Variants in XIRP2 observed in about 807,000 individuals in gnomAD.
The protein encoded by XIRP2 is xin actin-binding repeat-containing protein 2.
Under a neutral mutation model 277.0 loss-of-function variants are expected in XIRP2, and 236 were observed. The observed-to-expected ratio is 0.85, with a 90% CI of 0.77 to 0.95. The LOEUF is 0.95. Among genes scored for constraint, XIRP2 ranks in the 40% least tolerant of loss-of-function variants. The probability of loss-of-function intolerance (pLI) is 0.00; values close to 1 mark genes in which losing one functional copy is unlikely to be tolerated. For missense variants in XIRP2, 4,640 were observed against 4,157.5 expected (o/e 1.12, Z -3.19); for synonymous variants, 1,490 against 1,416.5 (o/e 1.05, Z -1.17).
At chr2:167,253,793 A>T (rs1194805171) in intron 9 of XIRP2, among the ~76,000 whole-genome samples, 1 of 151,734 alleles carries the variant, frequency 6.6e-6, no homozygotes, top group Non-Finnish European at 1.5e-5. Context: ...TTAAATCATA[A>T]ATGTCTACTC....
chr2:167,063,957 T>A (rs1002595278), intron 2 of XIRP2, among the ~76,000 whole-genome samples: 1 of 151,616 alleles, frequency 6.6e-6, no homozygotes. Context: ...CTACATTTAG[T>A]GTACTATCAA....
In XIRP2 at chr2:167,247,580, G is replaced by A; in HGVS notation, c.6188G>A (p.Gly2063Asp). Residue 2063 changes from glycine (G) to aspartate (D), a missense_variant, in exon 9 of 11, where the codon GGT becomes GAT. Physicochemically the swap from Gly to Asp is moderately conservative, Grantham distance 94. Coordinates refer to ENST00000409195, the MANE Select transcript of XIRP2 (RefSeq NM_152381.6). ...GTTTTGGAATCAGGAGACAAAACGG[G>A]TGTCTGGACTGATACTACAGGAGAA... ...SNVLESGDKT[G>D]VWTDTTGEQH... The A allele has an allele frequency of 1.2e-6, 2 of 1,613,716 alleles. No individual in the cohort carries two copies. The highest frequency in any genetic ancestry group is 1.3e-5 in the African/African-American group (1 of 75,004).
At position 166,933,356 on chromosome 2, in the gene XIRP2, G is replaced by A. The variant is rs532996505; in HGVS notation, c.408+29466G>A. Among the ~76,000 whole-genome samples the A allele has an allele frequency of 2.0e-5, 3 of 151,956 alleles. No individual in the cohort carries two copies. The East Asian group carries it at 5.8e-4, about 30-fold the overall frequency. On this transcript the variant is annotated intron_variant, in intron 2 of 10. Coordinates refer to ENST00000409195, the MANE Select transcript of XIRP2 (RefSeq NM_152381.6). ...GTAGAGATGGGGTTTTGCCGTGTTA[G>A]CCAGGATGATCTCGATCTCCTGACC...
chr2:167,189,268 TCA>T (rs1164456253), intron 3 of XIRP2, among the ~76,000 whole-genome samples: 1 of 151,950 alleles, frequency 6.6e-6, no homozygotes, highest in Non-Finnish European at 1.5e-5. Flanking sequence ...GCTCTCTCTC[TCA>T]CACACACACA....
In XIRP2 at chr2:167,204,567, A is replaced by G. The variant is rs114175890; in HGVS notation, c.563-6168A>G. Among the ~76,000 whole-genome samples the G allele has an allele frequency of 8.1e-3, 1,240 of 152,318 alleles. 20 individuals are homozygous for G. The highest frequency in any genetic ancestry group is 0.028 in the African/African-American group (1,167 of 41,560). Reference sequence around the variant, plus strand: ...GTTTCCTTATCTGTAAAATAGAGATAAAAAATAAAATAGCCTCTATCTCCT... The same window carrying G: ...GTTTCCTTATCTGTAAAATAGAGATGAAAAATAAAATAGCCTCTATCTCCT... On this transcript the variant is annotated intron_variant, in intron 3 of 10. Transcript: ENST00000409195.
rs775937806 is a variant in XIRP2 at position 167,247,276 on chromosome 2, A to G, written c.5884A>G (p.Thr1962Ala). Residue 1962 changes from threonine to alanine, a missense_variant, in exon 9 of 11, where the codon ACA becomes GCA. By Grantham distance (58) the Thr-to-Ala change is moderately conservative. Transcript: ENST00000409195. The part of the protein sequence containing the change: ...VMAGSSGEQK[T>A]DIHQVAVQRN... ...GGCAGGATCCTCGGGAGAGCAGAAA[A>G]CAGATATTCATCAGGTTGCTGTCCA... The G allele has an allele frequency of 1.9e-5, 30 of 1,613,594 alleles. No individual in the cohort carries two copies. The highest frequency in any genetic ancestry group is 2.3e-5 in the Non-Finnish European group (27 of 1,179,842).
intron 2 of XIRP2, among the ~76,000 whole-genome samples, chr2:167,023,167 T>C (rs1688035288): frequency 6.6e-6 from 1 of 152,246 alleles, no homozygotes. Flanking sequence ...TGAGATGGTA[T>C]CTCATTGTGG....
At chr2:167,075,483 T>C (rs1428737626) in intron 2 of XIRP2, among the ~76,000 whole-genome samples, 1 of 152,154 alleles carries the variant, frequency 6.6e-6, no homozygotes, top group Non-Finnish European at 1.5e-5. Context: ...TTGATCAAGG[T>C]ATTGTCATCA....
At position 167,210,867 on chromosome 2, in the gene XIRP2, G is replaced by T. The variant is rs1694007023; in HGVS notation, c.695G>T (p.Arg232Met). The T allele has an allele frequency of 6.2e-7, 1 of 1,614,102 alleles. No homozygotes were observed. The highest frequency in any genetic ancestry group is 2.2e-5 in the East Asian group (1 of 44,854). Residue 232 changes from arginine to methionine, a missense_variant, in exon 4 of 11, where the codon AGG (arginine) becomes ATG (methionine). By Grantham distance (91) the Arg-to-Met change is moderately conservative. Coordinates refer to ENST00000409195, the MANE Select transcript of XIRP2 (RefSeq NM_152381.6). Reference sequence around the variant, plus strand: ...GCGAGGTACCAGGCAGCTGTTTCCAGGGGTGACTGCCGCAGCTTCTCTGCT... The same window carrying T: ...GCGAGGTACCAGGCAGCTGTTTCCATGGGTGACTGCCGCAGCTTCTCTGCT... ...RMARYQAAVS[R>M]GDCRSFSANM...
At chr2:167,143,785 TA>T (rs990798899) in intron 3 of XIRP2, among the ~76,000 whole-genome samples, 58 of 147,364 alleles carry the variant, frequency 3.9e-4, no homozygotes, top group East Asian at 1.6e-3. Flanking sequence ...TTCACCATCG[TA>T]AAAAAAAAAC....
intron 2 of XIRP2, among the ~76,000 whole-genome samples, chr2:166,909,530 G>C (rs1684639109): frequency 6.6e-6 from 1 of 152,174 alleles, no homozygotes; most frequent in South Asian, 2.1e-4. Context: ...AGACAGTGGG[G>C]TTTTCTAGAT....
At chr2:167,012,990 G>A (rs1419178172) in intron 2 of XIRP2, among the ~76,000 whole-genome samples, 2 of 150,938 alleles carry the variant, frequency 1.3e-5, no homozygotes, top group Non-Finnish European at 3.0e-5. Flanking sequence ...CTTCTTGGTG[G>A]TAAAATTGAC....
At chr2:166,900,759 A>G (rs1684366098) in intron 1 of XIRP2, among the ~76,000 whole-genome samples, 2 of 152,050 alleles carry the variant, frequency 1.3e-5, no homozygotes, top group South Asian at 2.1e-4. Flanking sequence ...CACTGACATC[A>G]TTGCCAGAAG....
intron 1 of XIRP2, chr2:166,889,443 G>C (rs146346687): frequency 2.6e-5 from 4 of 152,538 alleles, no homozygotes; most frequent in African/African-American, 9.6e-5. Context: ...GGGTAGGTGA[G>C]ACACAGCAGA....
intron 3 of XIRP2, among the ~76,000 whole-genome samples, chr2:167,162,697 A>G (rs1692406851): frequency 6.6e-6 from 1 of 152,176 alleles, no homozygotes; most frequent in Non-Finnish European, 1.5e-5. Flanking sequence ...ATTTTCGTAT[A>G]TTTTTATTGA....
chr2:166,934,195 C>CAAA lies in XIRP2; in HGVS notation c.408+30322_408+30324dup, dbSNP rs750753001. Among the ~76,000 whole-genome samples, 132 of 71,536 alleles carry CAAA rather than the reference C, an allele frequency of 1.8e-3. 1 individual carries two copies. The highest frequency in any genetic ancestry group is 4.2e-3 in the African/African-American group (90 of 21,186). 46.9% of individuals were successfully genotyped at this position (71,536 alleles called of 152,430 possible). On this transcript the variant is annotated intron_variant, in intron 2 of 10. Transcript: ENST00000409195. Reference sequence around the variant, plus strand: ...ATTTTGTTTAGGAAAAAATCAACAGCAAAAAAAAAAAAAAAAAAACAAAAC... The same window carrying CAAA: ...ATTTTGTTTAGGAAAAAATCAACAGCAAAAAAAAAAAAAAAAAAAAAACAAAAC...
chr2:166,899,962 C>A (rs1404468315), intron 1 of XIRP2, among the ~76,000 whole-genome samples: 2 of 151,824 alleles, frequency 1.3e-5, no homozygotes, highest in Non-Finnish European at 2.9e-5. Context: ...GTAGCGACTA[C>A]CAGGATTTTT....
At chr2:166,919,017 G>A (rs1019698111) in intron 2 of XIRP2, among the ~76,000 whole-genome samples, 1 of 152,110 alleles carries the variant, frequency 6.6e-6, no homozygotes, top group African/African-American at 2.4e-5. Flanking sequence ...GTGCAGGGCA[G>A]GTACTGACAG....
At chr2:167,164,389 T>A (rs1692462578) in intron 3 of XIRP2, among the ~76,000 whole-genome samples, 1 of 129,674 alleles carries the variant, frequency 7.7e-6, no homozygotes, top group African/African-American at 3.0e-5. Context: ...GAGCTTGCAG[T>A]CAGCCAAGAT....
Sources: gnomAD v4.1 joint callset for allele counts (sites outside exome capture counted in the v4.1 genomes callset) on GRCh38, gnomAD v4.1.1 for gene constraint, MANE v1.5 for transcripts, NCBI Gene and HGNC (gene_info 2026-07-23, HGNC 2026-07-21) for gene names.